Variants in CCNDBP1 observed in about 807,000 individuals in gnomAD.
CCNDBP1 encodes cyclin-D1-binding protein 1.
A neutral mutation model predicts 46.2 loss-of-function variants in CCNDBP1; 45 were observed. The observed-to-expected ratio is 0.97, with a 90% CI of 0.77 to 1.25. The LOEUF (loss-of-function observed/expected upper bound fraction) is 1.25, where lower values mean the gene tolerates loss of function less well. Among genes scored for constraint, CCNDBP1 ranks in the 50% most tolerant of loss-of-function variants. The pLI is 0.00. For synonymous variants in CCNDBP1, 154 were observed against 163.6 expected, an observed-to-expected ratio of 0.94 and a Z score of 0.45; for missense variants, 436 against 442.1, an observed-to-expected ratio of 0.99 and a Z score of 0.12.
chr15:43,188,879 C>G (rs2041895424), intron 3 of CCNDBP1: 1 of 194,268 alleles, frequency 5.1e-6, no homozygotes, highest in Non-Finnish European at 1.1e-5. Context: ...GAGTTCGAGA[C>G]CAGTGTGGCC....
chr15:43,194,624 C>A, intron 10 of CCNDBP1, 103 bp from the exon 11 acceptor site: 1 of 1,039,510 alleles, frequency 9.6e-7, no homozygotes, highest in Non-Finnish European at 1.4e-6. Context: ...AAAGAAGCTT[C>A]CCTTTAAAAA....
Position 43,186,249 on chromosome 15 carries a change from G to C in CCNDBP1, c.249+16G>C, listed in dbSNP as rs1334257993. ...GTCTCCACAGGTGGGCTTCACTTTC[G>C]TGGAATCCTTGGGCTGCCGAGTTAC... On this transcript the variant is annotated intron_variant, in intron 3 of 10. Transcript: ENST00000300213. The C allele has an allele frequency of 3.7e-6, 6 of 1,608,370 alleles. No homozygotes were observed. In the South Asian group the frequency reaches 6.6e-5, roughly 18 times the overall value.
chr15:43,192,568 G>C (rs981457958), intron 8 of CCNDBP1, among the ~76,000 whole-genome samples, 175 bp from the exon 9 acceptor site: 1 of 152,182 alleles, frequency 6.6e-6, no homozygotes, highest in Admixed American at 6.5e-5. Flanking sequence ...ATGGGGTATG[G>C]TTGTTTCAAT....
At chr15:43,189,765 T>G (rs1204610182) in intron 4 of CCNDBP1, 4 of 418,418 alleles carry the variant, frequency 9.6e-6, no homozygotes, top group Middle Eastern at 6.3e-4. Flanking sequence ...TGGCTTAAAC[T>G]TCAAGTGTTT....
intron 6 of CCNDBP1, 123 bp from the exon 7 acceptor site, chr15:43,190,843 C>T (rs558035788): frequency 4.5e-5 from 33 of 727,424 alleles, no homozygotes; most frequent in African/African-American, 2.7e-4. Context: ...TTATTAAACC[C>T]GCACCCTTGT....
At chr15:43,193,383 GTC>G (rs966976689) in intron 9 of CCNDBP1, 3 of 93,046 alleles carry the variant, frequency 3.2e-5, no homozygotes, top group Non-Finnish European at 4.2e-5. Context: ...TGAAAAGAAA[GTC>G]TTAATTACAC....
At position 43,189,202 on chromosome 15, in the gene CCNDBP1, A is replaced by G. The variant is rs1203998169; in HGVS notation, c.253A>G (p.Thr85Ala). The G allele has an allele frequency of 1.2e-6, 2 of 1,606,204 alleles. No individual in the cohort carries two copies. Among genetic ancestry groups the G allele is most frequent in the African/African-American group, 2.7e-5 (2 of 74,688 alleles). ...SQLPLPSPQE[T>A]QKFCEQVHAA... ...TAATCTGTTTCCTTTTTCATAGGAA[A>G]CCCAGAAGTTCTGTGAACAAGTCCA... Residue 85 changes from threonine to alanine, a missense_variant, in exon 4 of 11, where the codon ACC becomes GCC. Transcript: ENST00000300213.
chr15:43,189,783 AGTT>A, intron 4 of CCNDBP1: 1 of 447,828 alleles, frequency 2.2e-6, no homozygotes. Flanking sequence ...TTTCATCTAC[AGTT>A]GTTAAGAGAT....
In CCNDBP1 at chr15:43,186,173, G is replaced by A. The variant is rs751371432; in HGVS notation, c.189G>A (p.Val63=). ...WRRLNEAAVT[V]SREATTLTIV... is the part of the protein sequence containing the mutation. ...CCCCAGATGAGGCAGCTGTGACTGT[G>A]TCAAGGGAAGCCACGACTCTGACCA... is the stretch of plus-strand genomic sequence containing the variant. Residue 63 remains valine (V), a synonymous_variant, in exon 3 of 11, where the codon GTG becomes GTA. Coordinates refer to ENST00000300213, the MANE Select transcript of CCNDBP1 (RefSeq NM_012142.5). 4 of 1,614,156 alleles carry A rather than the reference G, an allele frequency of 2.5e-6. No individual in the cohort carries two copies. The highest frequency in any genetic ancestry group is 3.4e-6 in the Non-Finnish European group (4 of 1,179,986).
intron 4 of CCNDBP1, 52 bp downstream of exon 4, chr15:43,189,332 G>A (rs777864502): frequency 2.0e-5 from 21 of 1,054,268 alleles, no homozygotes; most frequent in Non-Finnish European, 2.7e-5. Flanking sequence ...TAATATTGTG[G>A]ATTATGTCTT....
rs111379813 is a variant in CCNDBP1 at position 43,191,185 on chromosome 15, G to A, written c.579+143G>A. ...CTTCCATCTCCCACTGCTTGTTAGT[G>A]TTTGATTTAGTACCACTCCTCTGTG... On this transcript the variant is annotated intron_variant, in intron 7 of 10. Transcript: ENST00000300213. The A allele has an allele frequency of 2.6e-5, 21 of 809,872 alleles. 1 individual carries two copies. Among genetic ancestry groups the A allele is most frequent in the African/African-American group, 1.4e-4 (8 of 58,372 alleles). 50.2% of individuals were successfully genotyped at this position (809,872 alleles called of 1,614,324 possible). A position where few individuals can be genotyped will look rare whatever the true frequency, so the allele number is the denominator to read the frequency against.
rs911831816 is a variant in CCNDBP1, at chr15:43,195,098, C to G, written c.*257C>G. 2.4e-5 allele frequency: 8 copies of G among 330,866 alleles called. No homozygotes were observed. The highest frequency in any genetic ancestry group is 3.8e-5 in the Non-Finnish European group (7 of 183,530). The allele number at this position is 330,866 out of a possible 1,614,324, so 20.5% of individuals were successfully genotyped here. A position where few individuals can be genotyped will look rare whatever the true frequency, so the allele number is the denominator to read the frequency against. ...ATTCCTGAGTCATTTCTCAGAGATT[C>G]CTAGGAAAGCTGCCTTATTCTCTTT... On this transcript the variant is annotated 3_prime_UTR_variant, in exon 11 of 11. Coordinates refer to ENST00000300213, the MANE Select transcript of CCNDBP1 (RefSeq NM_012142.5).
Position 43,195,066 on chromosome 15 carries a change from ATTTCTCATTCCTGAGTC to A in CCNDBP1, c.*226_*242del, listed in dbSNP as rs2042021726. The A allele has an allele frequency of 7.8e-6, 3 of 384,832 alleles. No individual in the cohort carries two copies. Among genetic ancestry groups the A allele is most frequent in the Non-Finnish European group, 1.4e-5 (3 of 216,856 alleles). The allele number at this position is 384,832 out of a possible 1,614,324, so 23.8% of individuals were successfully genotyped here. ...GCTATATATGAAAAATAATTGCATG[ATTTCTCATTCCTGAGTC>A]ATTTCTCAGAGATTCCTAGGAAAGC... On this transcript the variant is annotated 3_prime_UTR_variant, in exon 11 of 11. Transcript: ENST00000300213.
chr15:43,188,741 T>C (rs1220089688), intron 3 of CCNDBP1: 1 of 156,572 alleles, frequency 6.4e-6, no homozygotes. Context: ...TAGGCCTGCC[T>C]TCATACCAGG....
chr15:43,186,113 C>T (rs758164701), intron 2 of CCNDBP1, 41 bp from the exon 3 acceptor site: 2 of 1,565,092 alleles, frequency 1.3e-6, no homozygotes, highest in South Asian at 1.1e-5. Flanking sequence ...CCGTGCAGCA[C>T]TAACGTATTG....
chr15:43,186,000 A>G (rs1379255604), intron 2 of CCNDBP1, 121 bp downstream of exon 2: 31 of 1,163,244 alleles, frequency 2.7e-5, no homozygotes, highest in Non-Finnish European at 3.6e-5. Flanking sequence ...TCTGTGAGGT[A>G]CCTTACCCAC....
Position 43,197,039 on chromosome 15 carries a change from A to ACCCATTCTTG in CCNDBP1, c.*2202_*2211dup. 1 of 475,370 alleles carries ACCCATTCTTG rather than the reference A, an allele frequency of 2.1e-6. No homozygotes were observed. The highest frequency in any genetic ancestry group is 3.8e-6 in the Non-Finnish European group (1 of 260,840). 29.4% of individuals were successfully genotyped at this position (475,370 alleles called of 1,614,324 possible). A position where few individuals can be genotyped will look rare whatever the true frequency, so the allele number is the denominator to read the frequency against. On this transcript the variant is annotated 3_prime_UTR_variant, in exon 11 of 11. Transcript: ENST00000300213. ...ACCTGGCACTTACCCCTACCCCTCA[A>ACCCATTCTTG]CCCATTCTTGCCCTGTGATCTCTGC...
chr15:43,197,016 C>G lies in CCNDBP1; in HGVS notation c.*2175C>G. On this transcript the variant is annotated 3_prime_UTR_variant, in exon 11 of 11. Coordinates refer to ENST00000300213, the MANE Select transcript of CCNDBP1 (RefSeq NM_012142.5). ...CTGGCTGTTAAAACGAGGCTGGCACCTGGCACTTACCCCTACCCCTCAACC... is the reference window on the plus strand; with the variant it reads ...CTGGCTGTTAAAACGAGGCTGGCACGTGGCACTTACCCCTACCCCTCAACC... 2.3e-6 allele frequency: 1 copy of G among 427,378 alleles called. No homozygotes were observed. The highest frequency in any genetic ancestry group is 2.1e-5 in the South Asian group (1 of 47,314). The allele number at this position is 427,378 out of a possible 1,614,324, so 26.5% of individuals were successfully genotyped here. A position where few individuals can be genotyped will look rare whatever the true frequency, so the allele number is the denominator to read the frequency against.
chr15:43,186,576 T>TA (rs930696605), intron 3 of CCNDBP1, among the ~76,000 whole-genome samples: 4 of 152,010 alleles, frequency 2.6e-5, no homozygotes, highest in African/African-American at 9.7e-5. Context: ...GCTTAAGATT[T>TA]AAAAAAAAGC....
Sources: allele counts gnomAD v4.1 joint callset (sites outside exome capture counted in the v4.1 genomes callset), GRCh38; gene constraint gnomAD v4.1.1; transcripts MANE v1.5; gene names NCBI Gene and HGNC (gene_info 2026-07-23, HGNC 2026-07-21).